Variants in SLC15A2 observed in about 807,000 individuals in gnomAD.
SLC15A2 encodes kidney H(+)/peptide cotransporter.
A neutral mutation model predicts 95.5 loss-of-function variants in SLC15A2; 77 were observed. The observed-to-expected ratio is 0.81, with a 90% CI of 0.67 to 0.97. The LOEUF is 0.97. Among genes scored for constraint, SLC15A2 ranks in the 50% least tolerant of loss-of-function variants. SLC15A2 has a pLI of 0.00. For synonymous variants in SLC15A2, 306 were observed against 306.9 expected, an observed-to-expected ratio of 1.00 and a Z score of 0.03; for missense variants, 893 against 874.4, an observed-to-expected ratio of 1.02 and a Z score of -0.27.
intron 3 of SLC15A2, among the ~76,000 whole-genome samples, chr3:121,902,959 A>T (rs1709548282): frequency 6.6e-6 from 1 of 152,246 alleles, no homozygotes; most frequent in African/African-American, 2.4e-5. Flanking sequence ...ACAAGTTTAC[A>T]GTCCCACCAA....
chr3:121,920,915 G>C (rs1709993215), intron 7 of SLC15A2, among the ~76,000 whole-genome samples: 1 of 152,200 alleles, frequency 6.6e-6, no homozygotes, highest in South Asian at 2.1e-4. Context: ...GCTGAAGCTG[G>C]GAAATCCGTT....
At chr3:121,894,652 T>A in intron 1 of SLC15A2, 71 bp downstream of exon 1, 2 of 1,185,378 alleles carry the variant, frequency 1.7e-6, no homozygotes, top group East Asian at 2.3e-5. Context: ...CCTTGGGCTC[T>A]GGAGCTTCCA....
In SLC15A2 at chr3:121,939,331, A is replaced by G. The variant is rs1710414688; in HGVS notation, c.1762-18A>G. The G allele has an allele frequency of 6.7e-7, 1 of 1,483,686 alleles. No individual in the cohort carries two copies. The highest frequency in any genetic ancestry group is 1.4e-5 in the African/African-American group (1 of 69,534). The allele number at this position is 1,483,686 out of a possible 1,614,324, so 91.9% of individuals were successfully genotyped here. A position where few individuals can be genotyped will look rare whatever the true frequency, so the allele number is the denominator to read the frequency against. On this transcript the variant is annotated intron_variant, in intron 19 of 21. Coordinates refer to ENST00000489711, the MANE Select transcript of SLC15A2 (RefSeq NM_021082.4). ...TGAGACTACTGACAAGTCCATTTCC[A>G]TTTTCTCTTTCCCTAAGAACACCAA...
chr3:121,903,487 T>G (rs1163384158), intron 3 of SLC15A2, among the ~76,000 whole-genome samples: 2 of 152,250 alleles, frequency 1.3e-5, no homozygotes, highest in Non-Finnish European at 2.9e-5. Flanking sequence ...GTTTTAGGTC[T>G]AACATGTAAG....
At chr3:121,919,588 C>T (rs1451229862) in intron 7 of SLC15A2, among the ~76,000 whole-genome samples, 1 of 152,064 alleles carries the variant, frequency 6.6e-6, no homozygotes, top group Admixed American at 6.5e-5. Context: ...GAGGATAAGA[C>T]GGAGATAGAA....
intron 19 of SLC15A2, among the ~76,000 whole-genome samples, chr3:121,934,401 A>G (rs1281893542): frequency 6.6e-6 from 1 of 151,878 alleles, no homozygotes; most frequent in African/African-American, 2.4e-5. Context: ...ATGAGCATGG[A>G]ATGTTCTTCC....
Position 121,916,822 on chromosome 3 carries a change from C to CT in SLC15A2, c.697+1138dup, listed in dbSNP as rs994586203. Among the ~76,000 whole-genome samples the CT allele has an allele frequency of 4.1e-4, 62 of 151,182 alleles. 1 individual carries two copies. The South Asian group carries it at 0.011, about 27-fold the overall frequency. ...TTTTACTGTAATTAATTTCTTTTTT[C>CT]TTTTTTTTTCTTTTTTGAGATGGAG... On this transcript the variant is annotated intron_variant, in intron 7 of 21. Coordinates refer to ENST00000489711, the MANE Select transcript of SLC15A2 (RefSeq NM_021082.4).
intron 21 of SLC15A2, 35 bp from the exon 22 acceptor site, chr3:121,940,796 C>G: frequency 6.3e-7 from 1 of 1,586,014 alleles, no homozygotes; most frequent in Non-Finnish European, 8.6e-7. Flanking sequence ...TTTCAGGTTT[C>G]TCCATATTCT....
chr3:121,910,484 C>T (rs1329152892), intron 3 of SLC15A2, among the ~76,000 whole-genome samples: 2 of 152,170 alleles, frequency 1.3e-5, no homozygotes, highest in African/African-American at 2.4e-5. Context: ...CGTGAGCCAC[C>T]GTGCCCTAGT....
At chr3:121,937,659 C>A (rs1010404564) in intron 19 of SLC15A2, among the ~76,000 whole-genome samples, 13 of 152,152 alleles carry the variant, frequency 8.5e-5, no homozygotes, top group Admixed American at 2.6e-4. Flanking sequence ...TTTAGTTATA[C>A]ATTCCTCTAA....
chr3:121,941,037 T>C lies in SLC15A2; in HGVS notation c.*30T>C. 6.3e-7 allele frequency: 1 copy of C among 1,594,052 alleles called. No individual in the cohort carries two copies. Among genetic ancestry groups the C allele is most frequent in the Non-Finnish European group, 8.5e-7 (1 of 1,171,522 alleles). On this transcript the variant is annotated 3_prime_UTR_variant, in exon 22 of 22. Transcript: ENST00000489711. ...TCCCTAGATTCTGTCCTGACCCCAA[T>C]TCCTGGCCCTGTCTTGAAGCATTTT...
At position 121,913,051 on chromosome 3, in the gene SLC15A2, A is replaced by G. The variant is rs1159535924; in HGVS notation, c.459A>G (p.Ile153Met). 3.1e-6 allele frequency: 5 copies of G among 1,613,628 alleles called. No individual in the cohort carries two copies. The highest frequency in any genetic ancestry group is 3.3e-5 in the Admixed American group (2 of 60,018). Reference protein sequence around the residue: ...TVLSLIGLSLIALGTGGIKPC... With the variant: ...TVLSLIGLSLMALGTGGIKPC... ...TATCATTGATCGGCCTGAGTCTAAT[A>G]GCTTTGGGGACAGGAGGCATCAAAC... The change falls in exon 5 of 22, where the codon ATA (isoleucine) becomes ATG (methionine). Residue 153 changes from isoleucine (I) to methionine (M), a missense_variant. Transcript: ENST00000489711.
In SLC15A2 at chr3:121,894,532, T is replaced by C. The variant is rs1479915942; in HGVS notation, c.56T>C (p.Ile19Thr). 6.2e-7 allele frequency: 1 copy of C among 1,614,076 alleles called. No homozygotes were observed. The highest frequency in any genetic ancestry group is 1.1e-5 in the South Asian group (1 of 91,066). Residue 19 changes from isoleucine (I) to threonine (T), a missense_variant, in exon 1 of 22, where the codon ATT becomes ACT. Physicochemically the swap from Ile to Thr is moderately conservative, Grantham distance 89. Coordinates refer to ENST00000489711, the MANE Select transcript of SLC15A2 (RefSeq NM_021082.4). ...SKETLFSPVS[I>T]EEVPPRPPSP... ...GAAACTCTTTTTTCACCTGTCTCCA[T>C]TGAAGAGGTACCACCTCGACCACCT...
Position 121,924,953 on chromosome 3 carries a change from TC to T in SLC15A2, c.1048del (p.Leu350PhefsTer35). 6.2e-7 allele frequency: 1 copy of T among 1,609,436 alleles called. No individual in the cohort carries two copies. Among genetic ancestry groups the T allele is most frequent in the Non-Finnish European group, 8.5e-7 (1 of 1,175,730 alleles). On this transcript the variant is annotated frameshift_variant, in exon 13 of 22. Transcript: ENST00000489711. LOFTEE classifies it high-confidence loss of function. ...TTATCATGGTGTTACAGGTTCTAAATCCCCTTCTGGTTCTTATCTTCATCCC... is the reference window on the plus strand; with the variant it reads ...TTATCATGGTGTTACAGGTTCTAAATCCCTTCTGGTTCTTATCTTCATCCC... ...LQPDQMQVLNPLLVLIFIPLF... is the reference protein window; with the variant it reads ...LQPDQMQVLNXLLVLIFIPLF...
Position 121,911,640 on chromosome 3 carries a change from A to G in SLC15A2, c.402A>G (p.Pro134=), listed in dbSNP as rs199897644. ...TGATCAAGTCCTTGGGTGCCTTACC[A>G]ATACTGGGAGGACAAGTGGTACACA... ...GHVIKSLGAL[P]ILGGQVVHTV... The change falls in exon 4 of 22, where the codon CCA becomes CCG. Residue 134 remains proline, a synonymous_variant. Coordinates refer to ENST00000489711, the MANE Select transcript of SLC15A2 (RefSeq NM_021082.4). 3.7e-6 allele frequency: 6 copies of G among 1,613,270 alleles called. No homozygotes were observed. In the Admixed American group the frequency reaches 6.7e-5, roughly 18 times the overall value.
At chr3:121,928,083 G>A (rs996763778) in intron 14 of SLC15A2, among the ~76,000 whole-genome samples, 2 of 152,194 alleles carry the variant, frequency 1.3e-5, no homozygotes, top group African/African-American at 2.4e-5. Context: ...TAATATCCAA[G>A]AGAGCCCTCT....
intron 5 of SLC15A2, among the ~76,000 whole-genome samples, chr3:121,913,637 A>G (rs1709819403): frequency 6.6e-6 from 1 of 152,240 alleles, no homozygotes; most frequent in South Asian, 2.1e-4. Context: ...ATGAAATGGG[A>G]AAGTGACAAA....
At chr3:121,921,215 A>G (rs766422558) in intron 7 of SLC15A2, among the ~76,000 whole-genome samples, 4 of 152,212 alleles carry the variant, frequency 2.6e-5, no homozygotes, top group Non-Finnish European at 4.4e-5. Flanking sequence ...AGCATAGGGT[A>G]TCTCAAAAAG....
intron 19 of SLC15A2, among the ~76,000 whole-genome samples, chr3:121,935,975 C>T (rs928319995): frequency 5.3e-5 from 8 of 152,024 alleles, no homozygotes; most frequent in East Asian, 1.9e-4. Context: ...TCTTTGTTCT[C>T]GTTGGTTTCA....
Sources: gnomAD v4.1 joint callset for allele counts (sites outside exome capture counted in the v4.1 genomes callset) on GRCh38, gnomAD v4.1.1 for gene constraint, MANE v1.5 for transcripts, NCBI Gene and HGNC (gene_info 2026-07-23, HGNC 2026-07-21) for gene names.